GMDS: variants seen among roughly 807,000 people sequenced by gnomAD.
GMDS encodes the protein GDP-mannose 4,6 dehydratase.
Under a neutral mutation model 49.9 loss-of-function variants are expected in GMDS, and 20 were observed. The ratio of observed to expected loss-of-function variants is 0.40; its 90% CI spans 0.28 to 0.58. The LOEUF (loss-of-function observed/expected upper bound fraction) is 0.58, where lower values mean the gene tolerates loss of function less well. GMDS is among the 20% of genes least tolerant of loss of function. The pLI, the probability that GMDS is intolerant of heterozygous loss-of-function variation, is 0.42. For synonymous variants in GMDS, 177 were observed against 178.6 expected, an observed-to-expected ratio of 0.99 and a Z score of 0.07; for missense variants, 362 against 481.4, an observed-to-expected ratio of 0.75 and a Z score of 2.32.
chr6:1,758,320 G>C (rs975374113), intron 7 of GMDS, among the ~76,000 whole-genome samples: 3 of 152,192 alleles, frequency 2.0e-5, no homozygotes, highest in Admixed American at 2.0e-4. Context: ...AACTGGGAGA[G>C]AGTGAGTGTT....
chr6:2,243,900 C>T (rs1781735296), intron 1 of GMDS, among the ~76,000 whole-genome samples: 1 of 134,260 alleles, frequency 7.4e-6, no homozygotes, highest in Non-Finnish European at 1.5e-5. Flanking sequence ...ACTCTCTTGC[C>T]CCAGGCTGGA....
At chr6:2,036,275 C>T (rs1769301588) in intron 4 of GMDS, among the ~76,000 whole-genome samples, 1 of 152,066 alleles carries the variant, frequency 6.6e-6, no homozygotes, top group Non-Finnish European at 1.5e-5. Flanking sequence ...TTTAAGATAA[C>T]AAGGTGTTGA....
intron 7 of GMDS, among the ~76,000 whole-genome samples, chr6:1,893,854 C>A (rs771510773): frequency 4.6e-5 from 7 of 152,176 alleles, no homozygotes; most frequent in Non-Finnish European, 8.8e-5. Context: ...AATAACCGAC[C>A]TGCCATGAAC....
At chr6:1,756,907 G>A (rs1767973220) in intron 7 of GMDS, among the ~76,000 whole-genome samples, 1 of 152,176 alleles carries the variant, frequency 6.6e-6, no homozygotes, top group Admixed American at 6.5e-5. Flanking sequence ...GCACGCATTG[G>A]CGACAGGATC....
At chr6:1,677,728 T>C (rs1430046185) in intron 9 of GMDS, among the ~76,000 whole-genome samples, 1 of 140,098 alleles carries the variant, frequency 7.1e-6, no homozygotes, top group South Asian at 2.3e-4. Context: ...TTCTCACTCA[T>C]AGGTGGGAAT....
intron 4 of GMDS, among the ~76,000 whole-genome samples, chr6:2,026,885 T>G (rs2127412113): frequency 6.6e-6 from 1 of 152,298 alleles, no homozygotes; most frequent in South Asian, 2.1e-4. Flanking sequence ...CATGAAGACC[T>G]TTGTACTAAT....
intron 7 of GMDS, among the ~76,000 whole-genome samples, chr6:1,761,228 T>C (rs1265746404): frequency 2.6e-5 from 4 of 152,150 alleles, no homozygotes; most frequent in African/African-American, 9.7e-5. Context: ...AAGGGAGTTT[T>C]TAAAAAATTA....
intron 4 of GMDS, among the ~76,000 whole-genome samples, chr6:2,004,891 CATT>C (rs1289098977): frequency 6.6e-6 from 1 of 152,138 alleles, no homozygotes; most frequent in African/African-American, 2.4e-5. Context: ...GAATGTTTGA[CATT>C]AGCGGCTGAA....
chr6:1,764,824 T>C (rs920719177), intron 7 of GMDS, among the ~76,000 whole-genome samples: 2 of 152,276 alleles, frequency 1.3e-5, no homozygotes, highest in Non-Finnish European at 2.9e-5. Context: ...CGTTTGGTTA[T>C]ATTTAAGTTC....
Position 1,786,628 on chromosome 6 carries a change from T to C in GMDS, c.772-44042A>G, listed in dbSNP as rs144441400. Among the ~76,000 whole-genome samples, 751 of 152,226 alleles carry C rather than the reference T, an allele frequency of 4.9e-3. 5 individuals carry two copies. Among genetic ancestry groups the C allele is most frequent in the African/African-American group, 0.017 (711 of 41,544 alleles). On this transcript the variant is annotated intron_variant, in intron 7 of 10. Transcript: ENST00000380815. ...GCTGGGCAGTCTCCTCCCTACAGAC[T>C]GAGCACAACAGAGGCCTGAAAAAGT... is the stretch of plus-strand genomic sequence containing the variant.
chr6:2,240,694 C>A (rs892071948), intron 1 of GMDS, among the ~76,000 whole-genome samples: 5 of 151,828 alleles, frequency 3.3e-5, no homozygotes, highest in Non-Finnish European at 5.9e-5. Flanking sequence ...AAATGTAATG[C>A]ACTTTGAACG....
At chr6:2,035,108 CACA>C (rs1769218323) in intron 4 of GMDS, among the ~76,000 whole-genome samples, 1 of 152,202 alleles carries the variant, frequency 6.6e-6, no homozygotes, top group Non-Finnish European at 1.5e-5. Flanking sequence ...TCTTCACACA[CACA>C]ACATCACATT....
At chr6:1,819,045 CAT>C (rs1248027493) in intron 7 of GMDS, among the ~76,000 whole-genome samples, 4 of 151,020 alleles carry the variant, frequency 2.6e-5, no homozygotes, top group African/African-American at 9.9e-5. Context: ...CACACACACA[CAT>C]ACACACACTC....
intron 7 of GMDS, among the ~76,000 whole-genome samples, chr6:1,814,740 AAT>A (rs967129062): frequency 1.5e-4 from 23 of 152,094 alleles, no homozygotes; most frequent in Non-Finnish European, 2.6e-4. Context: ...TGTGTACGTA[AAT>A]ATATATATAT....
chr6:1,641,398 C>T (rs560274321), intron 9 of GMDS, among the ~76,000 whole-genome samples: 1 of 152,342 alleles, frequency 6.6e-6, no homozygotes, highest in South Asian at 2.1e-4. Flanking sequence ...CAGCCTGCGT[C>T]TCAGAATGGA....
At chr6:1,737,965 TAC>T (rs746445507) in intron 8 of GMDS, among the ~76,000 whole-genome samples, 8 of 109,930 alleles carry the variant, frequency 7.3e-5, no homozygotes, top group African/African-American at 2.6e-4. Flanking sequence ...CACACATACA[TAC>T]ACACACATAC....
intron 4 of GMDS, among the ~76,000 whole-genome samples, chr6:2,108,217 A>T (rs572823618): frequency 1.3e-5 from 2 of 152,330 alleles, no homozygotes; most frequent in South Asian, 4.1e-4. Flanking sequence ...TATATAACTG[A>T]CTTGACAATT....
intron 9 of GMDS, among the ~76,000 whole-genome samples, chr6:1,690,277 G>A (rs568415371): frequency 3.9e-5 from 6 of 152,244 alleles, no homozygotes; most frequent in Middle Eastern, 3.4e-3. Flanking sequence ...TGCTTTTGAC[G>A]TTTTTGTCAT....
intron 7 of GMDS, among the ~76,000 whole-genome samples, chr6:1,903,606 G>A (rs1760610571): frequency 1.3e-5 from 2 of 152,066 alleles, no homozygotes; most frequent in Admixed American, 1.3e-4. Flanking sequence ...TCTTTACTTG[G>A]TTCATTTTCT....
Sources: allele counts gnomAD v4.1 joint callset (sites outside exome capture counted in the v4.1 genomes callset), GRCh38; gene constraint gnomAD v4.1.1; transcripts MANE v1.5; gene names NCBI Gene and HGNC (gene_info 2026-07-23, HGNC 2026-07-21).